CTNNA3: variants seen among roughly 807,000 people sequenced by gnomAD.
CTNNA3 encodes the protein catenin alpha-3.
In CTNNA3, 76 loss-of-function variants were observed where a neutral mutation model predicts 95.7. That is an observed-to-expected ratio of 0.79 (90% CI 0.66 to 0.96). CTNNA3 has a LOEUF of 0.96. CTNNA3 is among the 40% of genes least tolerant of loss of function. The pLI, the probability that CTNNA3 is intolerant of heterozygous loss-of-function variation, is 0.00. For missense variants in CTNNA3, 1,191 were observed against 1,089.8 expected, an observed-to-expected ratio of 1.09 and a Z score of -1.31; for synonymous variants, 431 against 374.4, an observed-to-expected ratio of 1.15 and a Z score of -1.74.
intron 7 of CTNNA3, among the ~76,000 whole-genome samples, chr10:67,067,805 C>T (rs888125365): frequency 6.6e-6 from 1 of 152,110 alleles, no homozygotes; most frequent in African/African-American, 2.4e-5. Context: ...GTGCTGGATA[C>T]AACAGGATAA....
chr10:66,804,799 G>T (rs1042596277), intron 7 of CTNNA3, among the ~76,000 whole-genome samples: 2 of 152,026 alleles, frequency 1.3e-5, no homozygotes, highest in African/African-American at 4.8e-5. Context: ...GTTTAGAAAA[G>T]AGTTAACATA....
intron 14 of CTNNA3, among the ~76,000 whole-genome samples, chr10:66,096,047 C>T (rs1222554926): frequency 2.0e-5 from 3 of 152,064 alleles, no homozygotes; most frequent in Non-Finnish European, 2.9e-5. Context: ...AACCTGGTCA[C>T]AATGAAATAT....
intron 7 of CTNNA3, among the ~76,000 whole-genome samples, chr10:66,850,365 G>C (rs777681767): frequency 6.6e-5 from 10 of 152,152 alleles, no homozygotes; most frequent in Non-Finnish European, 1.3e-4. Context: ...TGAAGGTGGG[G>C]AGAGACACGT....
chr10:67,529,780 T>C (rs991389778), intron 4 of CTNNA3, among the ~76,000 whole-genome samples: 9 of 152,188 alleles, frequency 5.9e-5, no homozygotes, highest in Non-Finnish European at 1.2e-4. Flanking sequence ...TTTGTCTCTA[T>C]TTCTAATTTC....
At chr10:66,702,329 C>T (rs1343520444) in intron 9 of CTNNA3, among the ~76,000 whole-genome samples, 1 of 151,614 alleles carries the variant, frequency 6.6e-6, no homozygotes, top group Non-Finnish European at 1.5e-5. Context: ...AAAATCAAAA[C>T]AGTTGAAGGA....
chr10:67,155,116 AGGCTGTT>A (rs1477450043), intron 7 of CTNNA3, among the ~76,000 whole-genome samples: 1 of 152,172 alleles, frequency 6.6e-6, no homozygotes, highest in African/African-American at 2.4e-5. Flanking sequence ...TGTTACCAGT[AGGCTGTT>A]GGCTTCCCAA....
At chr10:66,042,082 G>T (rs980194291) in intron 15 of CTNNA3, among the ~76,000 whole-genome samples, 5 of 152,000 alleles carry the variant, frequency 3.3e-5, no homozygotes, top group Non-Finnish European at 7.4e-5. Context: ...ATGCTATTTT[G>T]TATCTCTGAG....
chr10:65,920,318 A>C lies in CTNNA3; in HGVS notation c.*12T>G. Reference sequence around the variant, plus strand: ...ATTTTGTCATATAGGCACTATATGTAGAATAGTGGTTTCAGTAGATTTGTC... The same window carrying C: ...ATTTTGTCATATAGGCACTATATGTCGAATAGTGGTTTCAGTAGATTTGTC... On this transcript the variant is annotated 3_prime_UTR_variant, in exon 18 of 18. Transcript: ENST00000433211. 6.2e-7 allele frequency: 1 copy of C among 1,605,252 alleles called. No homozygotes were observed. The highest frequency in any genetic ancestry group is 8.5e-7 in the Non-Finnish European group (1 of 1,173,142).
chr10:67,704,972 T>C (rs974483980), intron 1 of CTNNA3, among the ~76,000 whole-genome samples: 2 of 152,122 alleles, frequency 1.3e-5, no homozygotes, highest in African/African-American at 4.8e-5. Flanking sequence ...GCGAACGACA[T>C]GAACAGACAC....
chr10:67,122,350 T>C (rs956968907), intron 7 of CTNNA3, among the ~76,000 whole-genome samples: 10 of 152,140 alleles, frequency 6.6e-5, no homozygotes, highest in Admixed American at 4.6e-4. Context: ...AAGTCTTCAA[T>C]AGAATAAAAG....
intron 1 of CTNNA3, among the ~76,000 whole-genome samples, chr10:67,657,506 T>A (rs1347723526): frequency 6.6e-6 from 1 of 151,850 alleles, no homozygotes; most frequent in African/African-American, 2.4e-5. Context: ...AGAATTGAGA[T>A]TTGCCTTCAG....
chr10:66,117,829 TAA>T (rs1194480090), intron 13 of CTNNA3, among the ~76,000 whole-genome samples: 1 of 152,202 alleles, frequency 6.6e-6, no homozygotes, highest in Non-Finnish European at 1.5e-5. Flanking sequence ...GACAACTATA[TAA>T]GAGTACTATG....
In CTNNA3 at chr10:67,615,044, G is replaced by A. The variant is rs560969865; in HGVS notation, c.100-7995C>T. On this transcript the variant is annotated intron_variant, in intron 2 of 17. Coordinates refer to ENST00000433211, the MANE Select transcript of CTNNA3 (RefSeq NM_013266.4). The stretch of plus-strand genomic sequence containing the variant: ...ATCCAAAGGCCCTGTCTCCAACTAC[G>A]GTCACATTCTGAGAAACTGGGGTTA... 1.8e-4 allele frequency among the ~76,000 whole-genome samples: 28 copies of A among 152,216 alleles called. 1 individual carries two copies. In the South Asian group the frequency reaches 3.7e-3, roughly 20 times the overall value.
At chr10:67,696,866 C>CG (rs1247585043), upstream of CTNNA3, among the ~76,000 whole-genome samples, 1 of 152,132 alleles carries the variant, frequency 6.6e-6, no homozygotes, top group Non-Finnish European at 1.5e-5. Flanking sequence ...CTTGACATCC[C>CG]ACTCGAACTT....
intron 11 of CTNNA3, among the ~76,000 whole-genome samples, chr10:66,387,226 CA>C (rs2132516754): frequency 6.6e-6 from 1 of 151,960 alleles, no homozygotes; most frequent in African/African-American, 2.4e-5. Context: ...CCAGAATCTA[CA>C]AAGAACTCAA....
chr10:66,311,333 A>G (rs953196223), intron 12 of CTNNA3, among the ~76,000 whole-genome samples: 1 of 152,266 alleles, frequency 6.6e-6, no homozygotes, highest in African/African-American at 2.4e-5. Flanking sequence ...ACTAGCTAAA[A>G]GTAGCATAAA....
chr10:66,955,738 G>T (rs1161728594), intron 7 of CTNNA3, among the ~76,000 whole-genome samples: 2 of 152,082 alleles, frequency 1.3e-5, no homozygotes, highest in African/African-American at 2.4e-5. Flanking sequence ...TTCCTCTTCT[G>T]TAATTTGAAA....
chr10:67,208,894 A>T (rs1864019064), intron 6 of CTNNA3, among the ~76,000 whole-genome samples: 1 of 152,224 alleles, frequency 6.6e-6, no homozygotes, highest in South Asian at 2.1e-4. Context: ...GAAGCCAAGA[A>T]TATCAATATT....
intron 13 of CTNNA3, among the ~76,000 whole-genome samples, chr10:66,181,656 T>C (rs759531702): frequency 2.0e-5 from 3 of 152,222 alleles, no homozygotes; most frequent in Non-Finnish European, 4.4e-5. Context: ...AGTGGCTAAG[T>C]ACACTGAACA....
Sources: gnomAD v4.1 joint callset for allele counts (sites outside exome capture counted in the v4.1 genomes callset) on GRCh38, gnomAD v4.1.1 for gene constraint, MANE v1.5 for transcripts, NCBI Gene and HGNC (gene_info 2026-07-23, HGNC 2026-07-21) for gene names.